The following CELF4 variants were observed in gnomAD, a reference collection of about 807,000 sequenced individuals.
CELF4 encodes CUGBP Elav-like family member 4.
A neutral mutation model predicts 59.9 loss-of-function variants in CELF4; 18 were observed. The observed-to-expected ratio is 0.30, with a 90% CI of 0.21 to 0.45. The LOEUF (loss-of-function observed/expected upper bound fraction) is 0.45. CELF4 is among the 20% of genes least tolerant of loss of function. The probability of loss-of-function intolerance (pLI) is 1.00; values close to 1 mark genes in which losing one functional copy is unlikely to be tolerated. For synonymous variants in CELF4, 261 were observed against 267.1 expected (o/e 0.98, Z 0.22); for missense variants, 456 against 689.0 (o/e 0.66, Z 3.79).
At chr18:37,520,793 T>C (rs1272859510) in intron 1 of CELF4, among the ~76,000 whole-genome samples, 1 of 152,214 alleles carries the variant, frequency 6.6e-6, no homozygotes, top group African/African-American at 2.4e-5. Flanking sequence ...GCTGTCCTTC[T>C]GTTCCTAGCA....
intron 2 of CELF4, among the ~76,000 whole-genome samples, chr18:37,323,586 G>A (rs1256299178): frequency 6.6e-6 from 1 of 152,072 alleles, no homozygotes; most frequent in Non-Finnish European, 1.5e-5. Context: ...TTGGGACTCA[G>A]CATCTCACCC....
At chr18:37,423,103 GACAGACAGACAGACAGAC>G (rs1321500023) in intron 2 of CELF4, among the ~76,000 whole-genome samples, 1 of 133,510 alleles carries the variant, frequency 7.5e-6, no homozygotes, top group Non-Finnish European at 1.7e-5. Context: ...GAGAGAGAGA[GACAGACAGACAGACAGAC>G]AGAGAGAGTC....
chr18:37,385,670 C>A (rs542776375), intron 2 of CELF4, among the ~76,000 whole-genome samples: 8 of 152,342 alleles, frequency 5.3e-5, no homozygotes, highest in African/African-American at 1.9e-4. Flanking sequence ...AGCCAGCCCT[C>A]CCTGACCTCC....
intron 2 of CELF4, among the ~76,000 whole-genome samples, chr18:37,438,018 A>G (rs1569569412): frequency 6.6e-6 from 1 of 152,180 alleles, no homozygotes. Context: ...TCCAACATGA[A>G]AGGACATAGC....
chr18:37,420,280 C>A (rs775338247), intron 2 of CELF4, among the ~76,000 whole-genome samples: 7 of 152,224 alleles, frequency 4.6e-5, no homozygotes, highest in African/African-American at 1.7e-4. Context: ...CTGGCTCTAC[C>A]GCTCACTAGC....
intron 1 of CELF4, among the ~76,000 whole-genome samples, chr18:37,497,917 G>C (rs1226864375): frequency 6.6e-6 from 1 of 152,188 alleles, no homozygotes; most frequent in Non-Finnish European, 1.5e-5. Flanking sequence ...GTCACTCAAA[G>C]ATTAAAGACT....
intron 2 of CELF4, among the ~76,000 whole-genome samples, chr18:37,432,016 G>A (rs2099670122): frequency 6.6e-6 from 1 of 152,224 alleles, no homozygotes; most frequent in Non-Finnish European, 1.5e-5. Context: ...AGGAGTGTGA[G>A]GCATGAAAGA....
intron 1 of CELF4, among the ~76,000 whole-genome samples, chr18:37,545,686 AGGG>A (rs1287829945): frequency 1.1e-4 from 17 of 152,066 alleles, no homozygotes; most frequent in Non-Finnish European, 1.5e-4. Flanking sequence ...GCAGTGGGGC[AGGG>A]GCCTCTCTTT....
chr18:37,271,666 C>T (rs1032986086), intron 7 of CELF4, among the ~76,000 whole-genome samples: 1 of 152,174 alleles, frequency 6.6e-6, no homozygotes. Context: ...AGTTTTTCTG[C>T]TCAGATGGAG....
Position 37,273,015 on chromosome 18 carries a change from C to T in CELF4, c.949+1G>A. 1 of 1,605,096 alleles carries T rather than the reference C, an allele frequency of 6.2e-7. No individual in the cohort carries two copies. ...CCGCGTGTTGGCACCTGCCAGCTCACCTGAGGTTGGGGTCATAGGTGCGGC... is the reference window on the plus strand; with the variant it reads ...CCGCGTGTTGGCACCTGCCAGCTCATCTGAGGTTGGGGTCATAGGTGCGGC... On this transcript the variant is annotated splice_donor_variant, in intron 7 of 12. Coordinates refer to ENST00000420428, the MANE Select transcript of CELF4 (RefSeq NM_020180.4). LOFTEE classifies it high-confidence loss of function.
intron 11 of CELF4, among the ~76,000 whole-genome samples, chr18:37,258,586 A>C (rs1431938412): frequency 6.6e-6 from 1 of 152,048 alleles, no homozygotes; most frequent in African/African-American, 2.4e-5. Flanking sequence ...GAGGCAGGTG[A>C]GTGGGGAGGG....
At chr18:37,513,995 C>G (rs924104194) in intron 1 of CELF4, among the ~76,000 whole-genome samples, 8 of 147,888 alleles carry the variant, frequency 5.4e-5, no homozygotes, top group Non-Finnish European at 1.0e-4. Context: ...TACCTTCTGA[C>G]AGAGGTGTGG....
At chr18:37,410,748 C>A (rs768884484) in intron 2 of CELF4, among the ~76,000 whole-genome samples, 2 of 152,180 alleles carry the variant, frequency 1.3e-5, no homozygotes, top group African/African-American at 4.8e-5. Context: ...TGCACACCCC[C>A]GTCACCGCAG....
At chr18:37,543,594 T>C (rs747356524) in intron 1 of CELF4, among the ~76,000 whole-genome samples, 5 of 152,192 alleles carry the variant, frequency 3.3e-5, no homozygotes, top group Non-Finnish European at 5.9e-5. Flanking sequence ...GAACGCAGCC[T>C]AGGTTGCATG....
chr18:37,488,617 C>A (rs914429295), intron 1 of CELF4, among the ~76,000 whole-genome samples: 13 of 152,062 alleles, frequency 8.5e-5, no homozygotes, highest in Non-Finnish European at 1.5e-4. Context: ...CTCCCAGGAG[C>A]CTGTTGAACC....
intron 1 of CELF4, among the ~76,000 whole-genome samples, chr18:37,520,693 G>C (rs1254712316): frequency 3.9e-5 from 6 of 152,102 alleles, no homozygotes; most frequent in Non-Finnish European, 7.4e-5. Flanking sequence ...GCCTATGAAG[G>C]CTTGGGCAGA....
intron 2 of CELF4, among the ~76,000 whole-genome samples, chr18:37,408,340 GA>G (rs2099404250): frequency 6.6e-6 from 1 of 152,082 alleles, no homozygotes; most frequent in African/African-American, 2.4e-5. Flanking sequence ...TTTCTCTTAG[GA>G]AGACCCTGAA....
intron 4 of CELF4, 78 bp from the exon 5 acceptor site, chr18:37,274,962 G>A: frequency 5.1e-6 from 8 of 1,560,726 alleles, no homozygotes; most frequent in Non-Finnish European, 7.0e-6. Context: ...CGCATCCCAG[G>A]TGAACGCAGA....
chr18:37,501,287 T>C (rs972171036), intron 1 of CELF4, among the ~76,000 whole-genome samples: 3 of 152,240 alleles, frequency 2.0e-5, no homozygotes, highest in African/African-American at 7.2e-5. Context: ...TGCAGGTTGA[T>C]GTGGGAAAGT....
Sources: allele counts gnomAD v4.1 joint callset (sites outside exome capture counted in the v4.1 genomes callset), GRCh38; gene constraint gnomAD v4.1.1; transcripts MANE v1.5; gene names NCBI Gene and HGNC (gene_info 2026-07-23, HGNC 2026-07-21).